KRABD3: variants seen among roughly 807,000 people sequenced by gnomAD.
KRABD3 encodes KRAB domain-containing protein 3.
chr7:149,725,625 ACTCCCAAACAGC>A, the KRABD3 span: 4 of 962,724 alleles, frequency 4.2e-6, no homozygotes, highest in Non-Finnish European at 4.5e-6. Flanking sequence ...TTTCATACTC[ACTCCCAAACAGC>A]CGCCCGCATG....
chr7:149,715,649 C>T, the KRABD3 span, among the ~76,000 whole-genome samples: 1 of 152,170 alleles, frequency 6.6e-6, no homozygotes, highest in Non-Finnish European at 1.5e-5. Flanking sequence ...TGGATGGGCA[C>T]CTGGAGCCAG....
At chr7:149,733,965 GC>G in the KRABD3 span, 2 of 1,606,606 alleles carry the variant, frequency 1.2e-6, no homozygotes, top group Non-Finnish European at 1.7e-6. Flanking sequence ...GAGCCGAGCA[GC>G]CTGCTGGGAG....
chr7:149,726,435 G>T, the KRABD3 span, among the ~76,000 whole-genome samples: 1 of 150,206 alleles, frequency 6.7e-6, no homozygotes, highest in Admixed American at 6.6e-5. Flanking sequence ...CGTCTATACA[G>T]AATTTTTTTT....
chr7:149,719,690 C>G, the KRABD3 span: 2 of 1,594,286 alleles, frequency 1.3e-6, no homozygotes, highest in African/African-American at 1.4e-5. The surrounding 1 kb of genome is among the most constrained non-coding windows in gnomAD (Gnocchi z 5.6). Flanking sequence ...CGGGAGGGAG[C>G]AGCACGTGTG....
the KRABD3 span, chr7:149,725,233 G>A: frequency 9.4e-6 from 13 of 1,384,686 alleles, no homozygotes; most frequent in African/African-American, 1.4e-5. Context: ...TAGAAAGCAC[G>A]TCGGGTAGAG....
At chr7:149,725,981 C>T in the KRABD3 span, 8 of 1,610,822 alleles carry the variant, frequency 5.0e-6, no homozygotes, top group African/African-American at 4.0e-5. Flanking sequence ...CCCCCACCAG[C>T]TTCTCCTCAT....
chr7:149,715,520 C>T, the KRABD3 span, among the ~76,000 whole-genome samples: 1 of 152,278 alleles, frequency 6.6e-6, no homozygotes, highest in Non-Finnish European at 1.5e-5. Flanking sequence ...CCGTGACAGC[C>T]TGGGCACCGT....
At chr7:149,720,713 C>T in the KRABD3 span, 1 of 1,047,262 alleles carries the variant, frequency 9.5e-7, no homozygotes, top group Non-Finnish European at 1.4e-6. Flanking sequence ...ATGGTGTCTC[C>T]TCTGGCTGCT....
the KRABD3 span, chr7:149,715,125 G>T: frequency 8.1e-7 from 1 of 1,230,842 alleles, no homozygotes; most frequent in South Asian, 4.1e-5. Context: ...GCGGTAGGGC[G>T]AGAAAGAGCT....
the KRABD3 span, among the ~76,000 whole-genome samples, chr7:149,715,535 G>T: frequency 1.3e-5 from 2 of 152,294 alleles, no homozygotes; most frequent in South Asian, 4.2e-4. Context: ...CACCGTTTGG[G>T]CTAGGTTGTG....
chr7:149,733,722 C>T, the KRABD3 span: 4 of 1,581,714 alleles, frequency 2.5e-6, no homozygotes, highest in Non-Finnish European at 3.4e-6. Flanking sequence ...CCGGCAGAAC[C>T]TCCTGGGCTC....
At chr7:149,733,802 CT>C in the KRABD3 span, 2 of 1,604,714 alleles carry the variant, frequency 1.2e-6, no homozygotes, top group Non-Finnish European at 1.7e-6. Flanking sequence ...TGCACACCCC[CT>C]CCTCGCACAT....
the KRABD3 span, chr7:149,729,443 C>G: frequency 7.7e-7 from 1 of 1,296,710 alleles, no homozygotes; most frequent in Non-Finnish European, 9.9e-7. Flanking sequence ...ATAGACTTCC[C>G]TCTCTGTCCC....
At chr7:149,727,589 C>A in the KRABD3 span, among the ~76,000 whole-genome samples, 1 of 152,164 alleles carries the variant, frequency 6.6e-6, no homozygotes, top group Non-Finnish European at 1.5e-5. Context: ...GTCTTTGACC[C>A]CTTTCTATAC....
chr7:149,720,779 G>T, the KRABD3 span: 3 of 1,502,362 alleles, frequency 2.0e-6, no homozygotes, highest in African/African-American at 1.4e-5. Context: ...ACGCACGTAG[G>T]TGTGAGTGCT....
the KRABD3 span, chr7:149,724,951 G>GC: frequency 1.0e-6 from 1 of 979,992 alleles, no homozygotes. Flanking sequence ...GCAGGGAGCC[G>GC]CCCCCTGGCC....
At chr7:149,725,869 C>T in the KRABD3 span, 1 of 1,539,458 alleles carries the variant, frequency 6.5e-7, no homozygotes, top group Admixed American at 2.0e-5. Context: ...GTGACCACAA[C>T]TGTGCTGTTC....
chr7:149,724,677 TC>T, the KRABD3 span: 3 of 1,546,622 alleles, frequency 1.9e-6, no homozygotes, highest in South Asian at 2.4e-5. Context: ...TGACCCCTCC[TC>T]CCCATCCTGA....
the KRABD3 span, among the ~76,000 whole-genome samples, chr7:149,726,251 C>T: frequency 1.3e-5 from 2 of 152,102 alleles, no homozygotes; most frequent in Non-Finnish European, 2.9e-5. Flanking sequence ...GAGGGGGCTC[C>T]GTTTTAGTGA....
Sources: allele counts gnomAD v4.1 joint callset (sites outside exome capture counted in the v4.1 genomes callset), GRCh38; gene constraint gnomAD v4.1.1; non-coding constraint Gnocchi (gnomAD v3.1); transcripts MANE v1.5; gene names NCBI Gene and HGNC (gene_info 2026-07-23, HGNC 2026-07-21).